Variants in CELF4 observed in about 807,000 individuals in gnomAD.
CELF4 encodes CUG-BP- and ETR-3-like factor 4.
A neutral mutation model predicts 59.9 loss-of-function variants in CELF4; 18 were observed. The ratio of observed to expected loss-of-function variants is 0.30; its 90% CI spans 0.21 to 0.45. CELF4 has a LOEUF of 0.45. CELF4 is among the 20% of genes least tolerant of loss of function. The probability of loss-of-function intolerance (pLI) is 1.00; values close to 1 mark genes in which losing one functional copy is unlikely to be tolerated. For missense variants in CELF4, 456 were observed against 689.0 expected (o/e 0.66, Z 3.79); for synonymous variants, 261 against 267.1 (o/e 0.98, Z 0.22).
At chr18:37,499,079 T>C (rs1247311076) in intron 1 of CELF4, among the ~76,000 whole-genome samples, 1 of 152,212 alleles carries the variant, frequency 6.6e-6, no homozygotes, top group Non-Finnish European at 1.5e-5. Context: ...TGTGTGTTCT[T>C]TGGTTATAAC....
intron 3 of CELF4, among the ~76,000 whole-genome samples, chr18:37,310,371 A>G (rs1461938332): frequency 6.6e-6 from 1 of 152,112 alleles, no homozygotes; most frequent in Non-Finnish European, 1.5e-5. Context: ...TTTCTATCAC[A>G]TAACTCCCCT....
chr18:37,448,641 G>A (rs757391969), intron 2 of CELF4, among the ~76,000 whole-genome samples: 1 of 152,230 alleles, frequency 6.6e-6, no homozygotes, highest in East Asian at 1.9e-4. Context: ...GGGAACTGCC[G>A]TGAGCTGCTC....
At chr18:37,274,712 CTT>C in intron 5 of CELF4, 91 bp downstream of exon 5, 1 of 1,515,524 alleles carries the variant, frequency 6.6e-7, no homozygotes, top group Non-Finnish European at 8.8e-7. Context: ...TTTCCTGTCT[CTT>C]GGGGAGACTG....
chr18:37,448,125 C>A (rs2099753295), intron 2 of CELF4, among the ~76,000 whole-genome samples: 1 of 152,234 alleles, frequency 6.6e-6, no homozygotes, highest in Non-Finnish European at 1.5e-5. Context: ...ATCGCATAGT[C>A]ATTACAGGTA....
At chr18:37,249,677 C>T (rs528815195) in intron 12 of CELF4, among the ~76,000 whole-genome samples, 28 of 152,226 alleles carry the variant, frequency 1.8e-4, no homozygotes, top group African/African-American at 6.3e-4. Flanking sequence ...CAGGGTGACC[C>T]CTTCCCGACC....
At chr18:37,260,251 AT>A (rs753701301) in intron 10 of CELF4, among the ~76,000 whole-genome samples, 4 of 152,204 alleles carry the variant, frequency 2.6e-5, no homozygotes, top group Non-Finnish European at 5.9e-5. Context: ...CCTGAACACT[AT>A]GCAGGGCTTT....
intron 10 of CELF4, among the ~76,000 whole-genome samples, chr18:37,262,205 G>A (rs767017855): frequency 5.9e-5 from 9 of 152,164 alleles, no homozygotes; most frequent in South Asian, 2.1e-4. Context: ...GCTCTCACCC[G>A]CCCATGCTGT....
intron 2 of CELF4, among the ~76,000 whole-genome samples, chr18:37,483,915 T>C (rs551776519): frequency 2.5e-4 from 38 of 152,320 alleles, no homozygotes; most frequent in Admixed American, 1.3e-3. Context: ...ATTTAGCTAT[T>C]CTATTATATG....
At chr18:37,334,101 C>T (rs1053633057) in intron 2 of CELF4, among the ~76,000 whole-genome samples, 20 of 152,162 alleles carry the variant, frequency 1.3e-4, no homozygotes, top group Admixed American at 3.3e-4. Context: ...TGCTCACATA[C>T]GTATAGTGTT....
chr18:37,306,916 A>G (rs1029660406), intron 3 of CELF4, among the ~76,000 whole-genome samples: 1 of 152,168 alleles, frequency 6.6e-6, no homozygotes, highest in African/African-American at 2.4e-5. Flanking sequence ...TCTGCACTTG[A>G]CAGGACAGCA....
intron 2 of CELF4, among the ~76,000 whole-genome samples, chr18:37,341,598 G>A (rs940178652): frequency 3.3e-5 from 5 of 152,144 alleles, no homozygotes; most frequent in Non-Finnish European, 7.4e-5. Context: ...GTCCAACATG[G>A]GCACAGGCTG....
At chr18:37,295,599 A>G (rs1294549910) in intron 3 of CELF4, among the ~76,000 whole-genome samples, 3 of 152,216 alleles carry the variant, frequency 2.0e-5, no homozygotes, top group Admixed American at 2.0e-4. Context: ...ACCAGTCATC[A>G]GAAATAATAT....
At chr18:37,321,170 C>T (rs1324556316) in intron 3 of CELF4, among the ~76,000 whole-genome samples, 1 of 152,162 alleles carries the variant, frequency 6.6e-6, no homozygotes, top group Non-Finnish European at 1.5e-5. Context: ...GGCCGTCTGC[C>T]TAACCCTTCC....
intron 1 of CELF4, among the ~76,000 whole-genome samples, chr18:37,515,247 A>C (rs926640918): frequency 6.6e-6 from 1 of 152,184 alleles, no homozygotes; most frequent in Admixed American, 6.5e-5. Context: ...ATTACACTGC[A>C]TCTTGCCTCC....
intron 3 of CELF4, among the ~76,000 whole-genome samples, chr18:37,289,863 C>G (rs888581487): frequency 6.6e-6 from 1 of 152,170 alleles, no homozygotes; most frequent in African/African-American, 2.4e-5. Context: ...CCTGGAGTTT[C>G]ATCTTTTGGG....
chr18:37,285,120 T>C (rs147425459), intron 3 of CELF4, among the ~76,000 whole-genome samples: 6 of 152,320 alleles, frequency 3.9e-5, no homozygotes, highest in African/African-American at 1.4e-4. Context: ...ACCCATAGCC[T>C]GCTGCTAGCT....
Position 37,484,937 on chromosome 18 carries a change from C to T in CELF4, c.369+588G>A, listed in dbSNP as rs143904909. ...CTCTCTGAACCCACAGGAGAGACCG[C>T]GCAGACCCTTGACCCGAAGAATACT... is the stretch of plus-strand genomic sequence containing the variant. On this transcript the variant is annotated intron_variant, in intron 2 of 12. Coordinates refer to ENST00000420428, the MANE Select transcript of CELF4 (RefSeq NM_020180.4). Among the ~76,000 whole-genome samples the T allele has an allele frequency of 3.7e-3, 565 of 152,272 alleles. 4 individuals carry two copies. The highest frequency in any genetic ancestry group is 0.013 in the African/African-American group (529 of 41,544).
chr18:37,324,497 G>C (rs1459379234), intron 2 of CELF4, among the ~76,000 whole-genome samples: 2 of 152,158 alleles, frequency 1.3e-5, no homozygotes, highest in African/African-American at 4.8e-5. Flanking sequence ...CCTTGATCTT[G>C]GGCTTCCAGC....
At chr18:37,481,083 G>A (rs1240089919) in intron 2 of CELF4, among the ~76,000 whole-genome samples, 2 of 152,204 alleles carry the variant, frequency 1.3e-5, no homozygotes, top group African/African-American at 4.8e-5. Flanking sequence ...GTCAGGAGGC[G>A]TGATGGCGGG....
Sources: allele counts gnomAD v4.1 joint callset (sites outside exome capture counted in the v4.1 genomes callset), GRCh38; gene constraint gnomAD v4.1.1; transcripts MANE v1.5; gene names NCBI Gene and HGNC (gene_info 2026-07-23, HGNC 2026-07-21).